The following SEMA6D variants were observed in gnomAD, a reference collection of about 807,000 sequenced individuals.
SEMA6D encodes semaphorin-6D.
A neutral mutation model predicts 106.6 loss-of-function variants in SEMA6D; 35 were observed. That is an observed-to-expected ratio of 0.33 (90% CI 0.25 to 0.44). SEMA6D has a LOEUF of 0.44. Ranked by LOEUF, SEMA6D falls within the 20% of genes least tolerant of loss-of-function variation. The pLI is 1.00. For missense variants in SEMA6D, 1,185 were observed against 1,345.9 expected, an observed-to-expected ratio of 0.88 and a Z score of 1.87; for synonymous variants, 499 against 487.7, an observed-to-expected ratio of 1.02 and a Z score of -0.31.
intron 1 of SEMA6D, among the ~76,000 whole-genome samples, chr15:47,354,135 A>G: frequency 6.6e-6 from 1 of 150,406 alleles, no homozygotes; most frequent in East Asian, 1.9e-4. Flanking sequence ...GTGTGTATAT[A>G]TATATGGAAT....
intron 2 of SEMA6D, among the ~76,000 whole-genome samples, chr15:47,451,282 G>C (rs2042183882): frequency 1.3e-5 from 2 of 152,094 alleles, no homozygotes; most frequent in South Asian, 4.1e-4. Context: ...AATGCAAAAT[G>C]GTTGATGTGC....
intron 2 of SEMA6D, among the ~76,000 whole-genome samples, chr15:47,425,637 G>A (rs2041307199): frequency 6.8e-6 from 1 of 146,734 alleles, no homozygotes; most frequent in African/African-American, 2.5e-5. Context: ...ACTGAAATTT[G>A]TTTCACTGTG....
chr15:47,766,412 C>A (rs962997242), intron 15 of SEMA6D, among the ~76,000 whole-genome samples: 2 of 151,966 alleles, frequency 1.3e-5, no homozygotes, highest in Admixed American at 1.3e-4. Context: ...AAAACCAATT[C>A]TCTTCTGTTC....
chr15:47,240,810 A>T (rs1286979337), intron 1 of SEMA6D, among the ~76,000 whole-genome samples: 1 of 152,220 alleles, frequency 6.6e-6, no homozygotes, highest in Non-Finnish European at 1.5e-5. Flanking sequence ...TTTTGAGATC[A>T]TCCAAGGATC....
chr15:47,390,980 A>G (rs2040010378), intron 1 of SEMA6D, among the ~76,000 whole-genome samples: 1 of 152,110 alleles, frequency 6.6e-6, no homozygotes, highest in South Asian at 2.1e-4. Context: ...CAGTTGCCCA[A>G]TTCTCATTAT....
At chr15:47,561,636 A>T (rs1202901697) in intron 3 of SEMA6D, among the ~76,000 whole-genome samples, 1 of 151,246 alleles carries the variant, frequency 6.6e-6, no homozygotes, top group Non-Finnish European at 1.5e-5. Flanking sequence ...AATTCTATAA[A>T]TGTGTTTTTC....
intron 2 of SEMA6D, among the ~76,000 whole-genome samples, chr15:47,466,695 G>C (rs2042671278): frequency 6.6e-6 from 1 of 150,378 alleles, no homozygotes; most frequent in African/African-American, 2.4e-5. Context: ...GGAATTGCTA[G>C]ACTGTATGGC....
chr15:47,639,517 C>T (rs964701302), intron 4 of SEMA6D, among the ~76,000 whole-genome samples: 1 of 152,136 alleles, frequency 6.6e-6, no homozygotes, highest in Non-Finnish European at 1.5e-5. Flanking sequence ...ACTCCTCAGT[C>T]CTCAAGTGTG....
intron 1 of SEMA6D, among the ~76,000 whole-genome samples, chr15:47,383,471 C>G (rs1037487643): frequency 6.6e-6 from 1 of 152,162 alleles, no homozygotes; most frequent in Non-Finnish European, 1.5e-5. Context: ...CCAGTGCTGG[C>G]CTTCCTCAAG....
chr15:47,217,170 G>A (rs1486792153), intron 1 of SEMA6D, among the ~76,000 whole-genome samples: 1 of 152,110 alleles, frequency 6.6e-6, no homozygotes, highest in African/African-American at 2.4e-5. Context: ...TCCCGTGTAT[G>A]GTATTTTGTT....
chr15:47,222,568 C>G (rs1335093997), intron 1 of SEMA6D, among the ~76,000 whole-genome samples: 3 of 152,124 alleles, frequency 2.0e-5, no homozygotes, highest in Non-Finnish European at 4.4e-5. Context: ...GGCAATCACA[C>G]CAAAACAAAA....
At chr15:47,397,335 A>G (rs1267348802) in intron 1 of SEMA6D, among the ~76,000 whole-genome samples, 1 of 152,234 alleles carries the variant, frequency 6.6e-6, no homozygotes, top group African/African-American at 2.4e-5. Flanking sequence ...AATGAAGTCA[A>G]TAGAGATATG....
chr15:47,325,995 G>A (rs138500542), intron 1 of SEMA6D, among the ~76,000 whole-genome samples: 50 of 152,272 alleles, frequency 3.3e-4, no homozygotes, highest in African/African-American at 1.1e-3. Flanking sequence ...TGGATTTGTA[G>A]GAAATTTCAG....
chr15:47,354,921 T>A (rs1193477102), intron 1 of SEMA6D, among the ~76,000 whole-genome samples: 3 of 152,152 alleles, frequency 2.0e-5, no homozygotes, highest in Admixed American at 6.5e-5. Flanking sequence ...CTCAAAAATT[T>A]GTGAAATTGT....
At chr15:47,251,153 C>T (rs1343061845) in intron 1 of SEMA6D, among the ~76,000 whole-genome samples, 1 of 152,122 alleles carries the variant, frequency 6.6e-6, no homozygotes, top group African/African-American at 2.4e-5. Flanking sequence ...AGAAGCCTTT[C>T]CTTTATGAAA....
intron 1 of SEMA6D, among the ~76,000 whole-genome samples, chr15:47,211,885 T>C (rs568490011): frequency 1.3e-5 from 2 of 152,236 alleles, no homozygotes; most frequent in East Asian, 1.9e-4. Context: ...TAATTAGCTC[T>C]CCTGAAGTTA....
chr15:47,688,986 G>C (rs1435694588), intron 4 of SEMA6D, among the ~76,000 whole-genome samples: 1 of 152,146 alleles, frequency 6.6e-6, no homozygotes, highest in South Asian at 2.1e-4. Context: ...TTGAATCATG[G>C]ATAAACAATT....
At chr15:47,594,622 AT>A (rs2143049641) in intron 3 of SEMA6D, among the ~76,000 whole-genome samples, 1 of 152,302 alleles carries the variant, frequency 6.6e-6, no homozygotes, top group East Asian at 1.9e-4. Flanking sequence ...TAGGCATTGA[AT>A]GTTTATTAAG....
At chr15:47,449,723 T>C (rs1442114076) in intron 2 of SEMA6D, among the ~76,000 whole-genome samples, 6 of 152,090 alleles carry the variant, frequency 3.9e-5, no homozygotes, top group African/African-American at 1.4e-4. Context: ...CCATCTCTTA[T>C]CAGACATCCT....
Sources: gnomAD v4.1 joint callset for allele counts (sites outside exome capture counted in the v4.1 genomes callset) on GRCh38, gnomAD v4.1.1 for gene constraint, MANE v1.5 for transcripts, NCBI Gene and HGNC (gene_info 2026-07-23, HGNC 2026-07-21) for gene names.